Variants in SORBS2 observed in about 807,000 individuals in gnomAD.
The protein encoded by SORBS2 is sorbin and SH3 domain containing 2, also known as sorbin and SH3 domain-containing protein 2.
A neutral mutation model predicts 97.7 loss-of-function variants in SORBS2; 46 were observed. The observed-to-expected ratio is 0.47, with a 90% CI of 0.37 to 0.60. The LOEUF is 0.60. Among genes scored for constraint, SORBS2 ranks in the 20% least tolerant of loss-of-function variants. The probability of loss-of-function intolerance (pLI) is 0.00; values close to 1 mark genes in which losing one functional copy is unlikely to be tolerated. For missense variants in SORBS2, 1,316 were observed against 1,282.3 expected, an observed-to-expected ratio of 1.03 and a Z score of -0.40; for synonymous variants, 476 against 473.4, an observed-to-expected ratio of 1.01 and a Z score of -0.07.
At chr4:185,602,092 C>A (rs2096275175) in intron 12 of SORBS2, among the ~76,000 whole-genome samples, 1 of 151,780 alleles carries the variant, frequency 6.6e-6, no homozygotes, top group Admixed American at 6.5e-5. Context: ...CTCACTGCAA[C>A]CTCTGCCTCC....
intron 4 of SORBS2, among the ~76,000 whole-genome samples, chr4:185,671,331 A>G (rs2097709501): frequency 6.6e-6 from 1 of 152,214 alleles, no homozygotes; most frequent in Non-Finnish European, 1.5e-5. Flanking sequence ...GGAAAGTGTC[A>G]TATTTTAAGA....
At position 185,649,524 on chromosome 4, in the gene SORBS2, G is replaced by C. The variant is rs113864748; in HGVS notation, c.224C>G (p.Pro75Arg). 9.9e-5 allele frequency: 159 copies of C among 1,604,002 alleles called. No homozygotes were observed. The highest frequency in any genetic ancestry group is 7.2e-4 in the Admixed American group (42 of 58,662). ...CGGCGGGACTGGAGGTGGAACATGT[G>C]GGGGAGGCACTGGGGAGGACGCATC... The change falls in exon 3 of 15, where the codon CCA becomes CGA. Residue 75 changes from proline to arginine, a missense_variant. By Grantham distance (103) the Pro-to-Arg change is moderately radical. Transcript: ENST00000418609.
intron 2 of SORBS2, among the ~76,000 whole-genome samples, chr4:185,764,829 C>T (rs2098924836): frequency 6.6e-6 from 1 of 152,126 alleles, no homozygotes; most frequent in Non-Finnish European, 1.5e-5. Flanking sequence ...GATACTAATT[C>T]AATTAAAGCC....
intron 1 of SORBS2, among the ~76,000 whole-genome samples, chr4:185,788,943 CCTT>C (rs1252581546): frequency 5.9e-5 from 9 of 152,212 alleles, no homozygotes; most frequent in Non-Finnish European, 1.0e-4. Flanking sequence ...TTCTGTACCA[CCTT>C]CTATTTTCGG....
At chr4:185,923,436 A>ACATGC (rs1313541526) in intron 1 of SORBS2, among the ~76,000 whole-genome samples, 1 of 148,210 alleles carries the variant, frequency 6.7e-6, no homozygotes, top group Non-Finnish European at 1.5e-5. Flanking sequence ...GGGACTGCAG[A>ACATGC]CATGCCACCA....
intron 12 of SORBS2, among the ~76,000 whole-genome samples, chr4:185,605,427 C>T (rs929382987): frequency 6.6e-6 from 1 of 152,100 alleles, no homozygotes; most frequent in African/African-American, 2.4e-5. Context: ...GGATTACAGG[C>T]ACCCAACACC....
At chr4:185,849,125 C>T (rs532044151) in intron 1 of SORBS2, among the ~76,000 whole-genome samples, 1 of 152,228 alleles carries the variant, frequency 6.6e-6, no homozygotes, top group East Asian at 1.9e-4. Flanking sequence ...CTGAAACAAG[C>T]ACTGTTGTTC....
At position 185,594,026 on chromosome 4, in the gene SORBS2, T is replaced by C. The variant is rs144986160; in HGVS notation, c.2797-91A>G. 2.9e-3 allele frequency: 2,457 copies of C among 835,504 alleles called. 42 individuals are homozygous for C. In the Admixed American group the frequency reaches 0.031, roughly 11 times the overall value. 51.8% of individuals were successfully genotyped at this position (835,504 alleles called of 1,614,324 possible). A position where few individuals can be genotyped will look rare whatever the true frequency, so the allele number is the denominator to read the frequency against. ...TAATGGCATGGTACTTTTCTTGACATTTAATATTTCCTGTTGTAAAAAACC... is the reference window on the plus strand; with the variant it reads ...TAATGGCATGGTACTTTTCTTGACACTTAATATTTCCTGTTGTAAAAAACC... On this transcript the variant is annotated intron_variant, in intron 12 of 14. Transcript: ENST00000418609.
chr4:185,597,793 A>G lies in SORBS2; in HGVS notation c.2797-3858T>C, dbSNP rs563951118. On this transcript the variant is annotated intron_variant, in intron 12 of 14. Transcript: ENST00000418609. Reference sequence around the variant, plus strand: ...ACTCTGTCGCCACCTAGTGGTGAGCAATGGCAGCAACAAGCTGAGAGTTGT... The same window carrying G: ...ACTCTGTCGCCACCTAGTGGTGAGCGATGGCAGCAACAAGCTGAGAGTTGT... Among the ~76,000 whole-genome samples the G allele has an allele frequency of 1.7e-3, 261 of 152,336 alleles. 1 individual carries two copies. Among genetic ancestry groups the G allele is most frequent in the African/African-American group, 6.0e-3 (249 of 41,566 alleles).
chr4:185,775,881 C>T (rs1490522820), intron 1 of SORBS2: 2 of 152,132 alleles, frequency 1.3e-5, no homozygotes, highest in African/African-American at 2.4e-5. Context: ...CCTAAATTTC[C>T]AGTTTCATCA....
chr4:185,660,486 C>T (rs1224613168), upstream of SORBS2, among the ~76,000 whole-genome samples: 1 of 152,202 alleles, frequency 6.6e-6, no homozygotes, highest in Admixed American at 6.5e-5. Flanking sequence ...GTAGGATTCA[C>T]AGATGATCCT....
intron 4 of SORBS2, 135 bp downstream of exon 16, chr4:185,635,220 C>T (rs1447089590): frequency 1.5e-6 from 1 of 652,872 alleles, no homozygotes; most frequent in Non-Finnish European, 2.7e-6. Flanking sequence ...CTGGATGCAA[C>T]ATAATGATGC....
chr4:185,614,166 T>G (rs915882905), intron 11 of SORBS2, among the ~76,000 whole-genome samples: 2 of 141,020 alleles, frequency 1.4e-5, no homozygotes, highest in African/African-American at 2.7e-5. Flanking sequence ...TGTGTTTTTT[T>G]TTTTTTTTTT....
chr4:185,631,858 T>C (rs1380308508), intron 4 of SORBS2, among the ~76,000 whole-genome samples: 1 of 152,210 alleles, frequency 6.6e-6, no homozygotes, highest in Non-Finnish European at 1.5e-5. Flanking sequence ...CAAGTATAGA[T>C]AGTTTTGCCT....
Position 185,752,420 on chromosome 4 carries a change from C to A in SORBS2, c.-198+22807G>T, listed in dbSNP as rs1053972376. On this transcript the variant is annotated intron_variant, in intron 2 of 20. Transcript: ENST00000284776. The stretch of plus-strand genomic sequence containing the variant: ...CCTCCCGAGTAGCTTGGACTACAGG[C>A]GCCCGCCACCACACCCAGCTAATTT... Among the ~76,000 whole-genome samples the A allele has an allele frequency of 2.6e-5, 4 of 152,094 alleles. No homozygotes were observed. In the South Asian group the frequency reaches 8.3e-4, roughly 32 times the overall value.
chr4:185,695,081 T>C (rs2098157283), intron 2 of SORBS2, among the ~76,000 whole-genome samples: 1 of 152,002 alleles, frequency 6.6e-6, no homozygotes, highest in South Asian at 2.1e-4. Flanking sequence ...TCTCAATACG[T>C]ATAAGAGAAT....
At chr4:185,886,013 G>A (rs1483748610) in intron 1 of SORBS2, among the ~76,000 whole-genome samples, 3 of 152,118 alleles carry the variant, frequency 2.0e-5, no homozygotes, top group African/African-American at 4.8e-5. Context: ...AAGTTACTGC[G>A]CCCCTTAGTA....
chr4:185,952,732 C>T (rs1275323498), intron 1 of SORBS2, among the ~76,000 whole-genome samples: 1 of 152,204 alleles, frequency 6.6e-6, no homozygotes, highest in Non-Finnish European at 1.5e-5. Flanking sequence ...CACATTATCT[C>T]CTCACATTTT....
intron 2 of SORBS2, chr4:185,772,112 A>G (rs891416658): frequency 1.3e-5 from 2 of 152,174 alleles, no homozygotes; most frequent in African/African-American, 2.4e-5. Context: ...TTTGTTTTCG[A>G]TGTGACAGAT....
Sources: gnomAD v4.1 joint callset for allele counts (sites outside exome capture counted in the v4.1 genomes callset) on GRCh38, gnomAD v4.1.1 for gene constraint, MANE v1.5 for transcripts, NCBI Gene and HGNC (gene_info 2026-07-23, HGNC 2026-07-21) for gene names.